The following TACC2 variants were observed in gnomAD, a reference collection of about 807,000 sequenced individuals.
The protein encoded by TACC2 is transforming acidic coiled-coil-containing protein 2.
TACC2 carries 137 observed loss-of-function variants against 227.3 expected under a neutral mutation model. That is an observed-to-expected ratio of 0.60 (90% CI 0.52 to 0.69). TACC2 has a LOEUF of 0.69. Among genes scored for constraint, TACC2 ranks in the 30% least tolerant of loss-of-function variants. The pLI is 0.00. For synonymous variants in TACC2, 1,523 were observed against 1,487.5 expected (o/e 1.02, Z -0.55); for missense variants, 3,470 against 3,694.4 (o/e 0.94, Z 1.57).
intron 5 of TACC2, among the ~76,000 whole-genome samples, chr10:122,125,776 CTTTTTT>C (rs67882679): frequency 8.5e-6 from 1 of 117,220 alleles, no homozygotes. Flanking sequence ...AATATCCTTC[CTTTTTT>C]TTTTTTTTTT....
In TACC2 at chr10:122,172,397, G is replaced by A. The variant is rs532879064; in HGVS notation, c.5835-22643G>A. 2.0e-5 allele frequency among the ~76,000 whole-genome samples: 3 copies of A among 152,264 alleles called. No homozygotes were observed. In the East Asian group the frequency reaches 5.8e-4, roughly 30 times the overall value. ...CTGTGCCAGCACCACCCTTCCTGGG[G>A]CTCAGATCTGGGTCTCTGTACTTGA... On this transcript the variant is annotated intron_variant, in intron 7 of 22. Coordinates refer to ENST00000369005, the MANE Select transcript of TACC2 (RefSeq NM_206862.4).
intron 2 of TACC2, among the ~76,000 whole-genome samples, chr10:122,044,285 G>A (rs531649019): frequency 1.8e-4 from 28 of 152,364 alleles, no homozygotes; most frequent in African/African-American, 6.5e-4. Flanking sequence ...GGTGTCCTCT[G>A]CAACCTGTAT....
intron 19 of TACC2, among the ~76,000 whole-genome samples, chr10:122,246,038 T>C (rs1351225158): frequency 6.6e-6 from 1 of 151,078 alleles, no homozygotes; most frequent in African/African-American, 2.4e-5. Context: ...GCTCTAGGAG[T>C]CCCACGATCG....
intron 8 of TACC2, among the ~76,000 whole-genome samples, chr10:122,202,630 A>G (rs2094906086): frequency 6.7e-6 from 1 of 148,360 alleles, no homozygotes; most frequent in South Asian, 2.2e-4. Context: ...TGGGAAGGTA[A>G]TTTGTTTCTC....
At chr10:122,190,082 C>T (rs999968583) in intron 7 of TACC2, among the ~76,000 whole-genome samples, 1 of 152,162 alleles carries the variant, frequency 6.6e-6, no homozygotes, top group African/African-American at 2.4e-5. Flanking sequence ...CTCTTTATTA[C>T]AAGATGCTTA....
At chr10:122,152,999 C>CTTTCTTTCTTTTTTTTT (rs71026005) in intron 7 of TACC2, among the ~76,000 whole-genome samples, 14 of 135,036 alleles carry the variant, frequency 1.0e-4, no homozygotes, top group African/African-American at 1.6e-4. Context: ...TTCTTTCTTT[C>CTTTCTTTCTTTTTTTTT]TTTTTTTTTT....
chr10:122,111,593 C>T (rs1325883210), intron 5 of TACC2, among the ~76,000 whole-genome samples: 2 of 152,188 alleles, frequency 1.3e-5, no homozygotes, highest in African/African-American at 4.8e-5. Flanking sequence ...CTGGTTTAAG[C>T]TATTCTCCTG....
Position 122,050,649 on chromosome 10 carries a change from C to G in TACC2, c.146+99C>G. The G allele has an allele frequency of 1.1e-6, 1 of 871,886 alleles. No individual in the cohort carries two copies. The highest frequency in any genetic ancestry group is 1.8e-6 in the Non-Finnish European group (1 of 544,546). The allele number at this position is 871,886 out of a possible 1,614,324, so 54.0% of individuals were successfully genotyped here. ...TGCCCCATTTGCTTTGGAAACTGGACCCTTAGACACATGGTATCGTCCTCA... is the reference window on the plus strand; with the variant it reads ...TGCCCCATTTGCTTTGGAAACTGGAGCCTTAGACACATGGTATCGTCCTCA... On this transcript the variant is annotated intron_variant, in intron 3 of 22. Coordinates refer to ENST00000369005, the MANE Select transcript of TACC2 (RefSeq NM_206862.4). This position sits in a 1 kb window ranked among gnomAD's most constrained non-coding sequence, Gnocchi z 4.6.
chr10:122,082,591 A>G, intron 3 of TACC2, 56 bp from the exon 4 acceptor site: 1 of 1,544,564 alleles, frequency 6.5e-7, no homozygotes, highest in Non-Finnish European at 8.7e-7. Flanking sequence ...ACCTGCCTGC[A>G]GTGTGGCTCT....
intron 8 of TACC2, among the ~76,000 whole-genome samples, chr10:122,208,737 G>A (rs1055493261): frequency 6.6e-6 from 1 of 152,232 alleles, no homozygotes; most frequent in African/African-American, 2.4e-5. Flanking sequence ...GGCAGAAGGG[G>A]ACTGGGGGTA....
intron 5 of TACC2, among the ~76,000 whole-genome samples, chr10:122,110,446 C>T (rs1206675882): frequency 6.6e-6 from 1 of 152,134 alleles, no homozygotes; most frequent in South Asian, 2.1e-4. Context: ...TTTCTGATAT[C>T]GACGTATTTC....
intron 5 of TACC2, among the ~76,000 whole-genome samples, chr10:122,110,312 G>GTAC (rs990928663): frequency 1.3e-5 from 2 of 152,156 alleles, no homozygotes; most frequent in African/African-American, 4.8e-5. Context: ...TACCATTACT[G>GTAC]CATTGTTACC....
chr10:122,161,652 G>A (rs936505791), intron 7 of TACC2, among the ~76,000 whole-genome samples: 7 of 152,236 alleles, frequency 4.6e-5, no homozygotes, highest in African/African-American at 1.7e-4. Flanking sequence ...GGCTAAGGAC[G>A]TTTAGATGGC....
chr10:122,062,201 T>G (rs959099184), intron 3 of TACC2, among the ~76,000 whole-genome samples: 9 of 151,142 alleles, frequency 6.0e-5, no homozygotes, highest in African/African-American at 2.2e-4. Context: ...CCTGGCTAAT[T>G]TTTTGTATTT....
intron 6 of TACC2, among the ~76,000 whole-genome samples, chr10:122,135,635 C>G (rs1050099159): frequency 6.6e-6 from 1 of 152,174 alleles, no homozygotes; most frequent in East Asian, 1.9e-4. Flanking sequence ...TCACCAGATG[C>G]CTCTGTAAAA....
intron 7 of TACC2, chr10:122,164,025 C>T (rs1411729157): frequency 3.2e-6 from 5 of 1,560,584 alleles, no homozygotes; most frequent in African/African-American, 1.4e-5. Context: ...CCCGAGTCTC[C>T]CGGGGAGGAG....
chr10:122,196,683 A>T (rs2094575889), intron 8 of TACC2, among the ~76,000 whole-genome samples: 1 of 152,190 alleles, frequency 6.6e-6, no homozygotes, highest in South Asian at 2.1e-4. Flanking sequence ...ATGTGTGATT[A>T]AGAATAAACT....
chr10:122,214,027 G>C (rs2095350563), intron 9 of TACC2, among the ~76,000 whole-genome samples: 1 of 152,180 alleles, frequency 6.6e-6, no homozygotes, highest in Non-Finnish European at 1.5e-5. Flanking sequence ...AGTAGAAACA[G>C]AGCTGACCAT....
chr10:122,221,983 C>T (rs1381441936), intron 11 of TACC2, among the ~76,000 whole-genome samples: 1 of 152,142 alleles, frequency 6.6e-6, no homozygotes, highest in African/African-American at 2.4e-5. Context: ...GTGCAGTGCC[C>T]CCATATGAAA....
Sources: allele counts gnomAD v4.1 joint callset (sites outside exome capture counted in the v4.1 genomes callset), GRCh38; gene constraint gnomAD v4.1.1; non-coding constraint Gnocchi (gnomAD v3.1); transcripts MANE v1.5; gene names NCBI Gene and HGNC (gene_info 2026-07-23, HGNC 2026-07-21).